The following COL5A1 variants were observed in gnomAD, a reference collection of about 807,000 sequenced individuals.
The protein encoded by COL5A1 is collagen alpha-1(V) chain.
A neutral mutation model predicts 263.7 loss-of-function variants in COL5A1; 16 were observed. The observed-to-expected ratio is 0.06, with a 90% CI of 0.04 to 0.09. The LOEUF is 0.09. COL5A1 is among the 10% of genes least tolerant of loss of function. The pLI is 1.00. For missense variants in COL5A1, 2,036 were observed against 2,540.5 expected (o/e 0.80, Z 4.27); for synonymous variants, 1,012 against 1,004.5 (o/e 1.01, Z -0.14).
At chr9:134,816,020 G>A (rs771520586) in intron 52 of COL5A1, 32 bp downstream of exon 52, 1 of 1,610,436 alleles carries the variant, frequency 6.2e-7, no homozygotes, top group Non-Finnish European at 8.5e-7. Flanking sequence ...GCTTCCTGGT[G>A]GAGGTGTCAG....
chr9:134,689,532 C>A (rs369246716), intron 1 of COL5A1, among the ~76,000 whole-genome samples: 1 of 152,222 alleles, frequency 6.6e-6, no homozygotes, highest in African/African-American at 2.4e-5. Flanking sequence ...GCCAGTCTGT[C>A]TCTCTGCATC....
rs1346485331 is a variant in COL5A1 at position 134,786,102 on chromosome 9, G to A, written c.2646+54G>A. 1.9e-5 allele frequency: 28 copies of A among 1,489,978 alleles called. 1 individual carries two copies. Among genetic ancestry groups the A allele is most frequent in the South Asian group, 1.2e-4 (10 of 84,792 alleles). The allele number at this position is 1,489,978 out of a possible 1,614,324, so 92.3% of individuals were successfully genotyped here. A position where few individuals can be genotyped will look rare whatever the true frequency, so the allele number is the denominator to read the frequency against. ...GGACAGGCGGAGGGATGTTCTGCCC[G>A]GTCTCCCCACCCTGCATCCGGCCGT... On this transcript the variant is annotated intron_variant, in intron 31 of 65. Coordinates refer to ENST00000371817, the MANE Select transcript of COL5A1 (RefSeq NM_000093.5).
chr9:134,732,479 G>A (rs991382102), intron 9 of COL5A1: 1 of 461,324 alleles, frequency 2.2e-6, no homozygotes, highest in African/African-American at 2.0e-5. Context: ...AGGGGTGGAG[G>A]AGAGGATGTA....
intron 1 of COL5A1, chr9:134,649,523 T>C: frequency 2.1e-6 from 1 of 471,058 alleles, no homozygotes; most frequent in South Asian, 1.6e-5. Flanking sequence ...AAATTAGCTC[T>C]TCTGTCCTTT....
intron 19 of COL5A1, among the ~76,000 whole-genome samples, chr9:134,763,023 C>T (rs575652541): frequency 3.3e-5 from 5 of 152,142 alleles, no homozygotes; most frequent in African/African-American, 9.6e-5. Context: ...CATGTGCATG[C>T]ACAGGGTGTA....
chr9:134,748,877 C>T (rs1229863203), intron 11 of COL5A1, among the ~76,000 whole-genome samples: 2 of 152,034 alleles, frequency 1.3e-5, no homozygotes, highest in Admixed American at 1.3e-4. Context: ...CAGATGTTGC[C>T]AAGGATATCT....
rs140045613 is a variant in COL5A1 at position 134,798,518 on chromosome 9, G to A, written c.2952+57G>A. ...GGCTGGCTCTCTGACCACCCTGCAC[G>A]TGGGCACAGCCCTCGCTGCCCAGCG... On this transcript the variant is annotated intron_variant, in intron 37 of 65. Coordinates refer to ENST00000371817, the MANE Select transcript of COL5A1 (RefSeq NM_000093.5). The A allele has an allele frequency of 1.4e-3, 2,105 of 1,544,588 alleles. 31 individuals carry two copies. The African/African-American group carries it at 0.024, about 18-fold the overall frequency.
At position 134,681,277 on chromosome 9, in the gene COL5A1, G is replaced by A. The variant is rs1237624073; in HGVS notation, c.110-9635G>A. Among the ~76,000 whole-genome samples the A allele has an allele frequency of 6.6e-6, 1 of 152,210 alleles. No homozygotes were observed. The highest frequency in any genetic ancestry group is 2.4e-5 in the African/African-American group (1 of 41,460). On this transcript the variant is annotated intron_variant, in intron 1 of 65. Transcript: ENST00000371817. This position sits in a 1 kb window ranked among gnomAD's most constrained non-coding sequence, Gnocchi z 4.3. ...GGCTCTCTGGCTTCCAGGAAATACA[G>A]GAAGGGAACTAGGAGGGACAGCCGC...
Position 134,727,303 on chromosome 9 carries a change from G to C in COL5A1, c.692G>C (p.Arg231Pro). Reference protein sequence around the residue: ...IQQLLFVSDHRAAYDYCEHYS... With the variant: ...IQQLLFVSDHPAAYDYCEHYS... ...CAGCTGCTCTTTGTCTCGGACCACC[G>C]GGCAGCTTATGATTACTGTGAGCAC... is the stretch of plus-strand genomic sequence containing the variant. Residue 231 changes from arginine to proline, a missense_variant, in exon 5 of 66, where the codon CGG becomes CCG. Physicochemically the swap from Arg to Pro is moderately radical, Grantham distance 103 (BLOSUM62 -2). Around this residue, in one of 3 missense-constraint regions of COL5A1, gnomAD observed 600 missense variants for 634.5 expected, o/e 0.95. Coordinates refer to ENST00000371817, the MANE Select transcript of COL5A1 (RefSeq NM_000093.5). 1 of 1,613,994 alleles carries C rather than the reference G, an allele frequency of 6.2e-7. No homozygotes were observed. The highest frequency in any genetic ancestry group is 8.5e-7 in the Non-Finnish European group (1 of 1,179,992).
chr9:134,648,712 G>A (rs1219156959), intron 1 of COL5A1, among the ~76,000 whole-genome samples: 3 of 152,200 alleles, frequency 2.0e-5, no homozygotes, highest in African/African-American at 7.2e-5. Context: ...GCTGGCCTGT[G>A]CGTGCTCCCT....
chr9:134,822,741 G>C (rs1365948149), intron 59 of COL5A1, among the ~76,000 whole-genome samples: 1 of 150,806 alleles, frequency 6.6e-6, no homozygotes, highest in Non-Finnish European at 1.5e-5. Flanking sequence ...GGCTGTCTGA[G>C]CTGGGGTTTC....
intron 11 of COL5A1, among the ~76,000 whole-genome samples, chr9:134,748,320 T>C (rs1835645752): frequency 6.7e-6 from 1 of 149,998 alleles, no homozygotes; most frequent in African/African-American, 2.5e-5. Context: ...GATAGTCACA[T>C]ACATGCACAC....
intron 32 of COL5A1, among the ~76,000 whole-genome samples, chr9:134,790,304 A>T: frequency 6.6e-6 from 1 of 151,916 alleles, no homozygotes; most frequent in East Asian, 1.9e-4. Flanking sequence ...CCTTTTACCC[A>T]TCCATCCATC....
At chr9:134,683,248 C>T (rs7849399) in intron 1 of COL5A1, among the ~76,000 whole-genome samples, 9 of 152,328 alleles carry the variant, frequency 5.9e-5, no homozygotes, top group South Asian at 4.1e-4. Flanking sequence ...CCTCGAACAC[C>T]GGCAGAGAGG....
chr9:134,666,864 T>C (rs905098027), intron 1 of COL5A1, among the ~76,000 whole-genome samples: 1 of 152,214 alleles, frequency 6.6e-6, no homozygotes, highest in Admixed American at 6.5e-5. Flanking sequence ...TTTTGGTCCT[T>C]CATTAAATTC....
Position 134,753,875 on chromosome 9 carries a change from A to T in COL5A1, c.1745A>T (p.Lys582Met). 6.2e-7 allele frequency: 1 copy of T among 1,613,386 alleles called. No individual in the cohort carries two copies. The highest frequency in any genetic ancestry group is 8.5e-7 in the Non-Finnish European group (1 of 1,179,820). ...PVGPPGSGGLKGEPGDVGPQG... is the reference protein window; with the variant it reads ...PVGPPGSGGLMGEPGDVGPQG... ...GGTCCCCCTGGGAGCGGAGGTTTGA[A>T]GGGCGAGCCGGGAGACGTGGGGCCT... is the stretch of plus-strand genomic sequence containing the variant. Residue 582 changes from lysine (K) to methionine (M), a missense_variant, in exon 15 of 66, where the codon AAG (lysine) becomes ATG (methionine). Lys to Met is a moderately conservative substitution (Grantham distance 95, BLOSUM62 -1). This residue lies in a region of COL5A1 where 1,078 missense variants were observed against 1,521.4 expected (regional missense o/e 0.71). Transcript: ENST00000371817.
In COL5A1 at chr9:134,686,676, G is replaced by A. The variant is rs1022586147; in HGVS notation, c.110-4236G>A. Among the ~76,000 whole-genome samples, 7 of 152,198 alleles carry A rather than the reference G, an allele frequency of 4.6e-5. No individual in the cohort carries two copies. The highest frequency in any genetic ancestry group is 1.0e-4 in the Non-Finnish European group (7 of 68,046). ...ATGAAAATGGGCCTCTGGGATGCCA[G>A]TGACAAATACTTCTACTTGTAACAG... On this transcript the variant is annotated intron_variant, in intron 1 of 65. Coordinates refer to ENST00000371817, the MANE Select transcript of COL5A1 (RefSeq NM_000093.5). The surrounding 1 kb of genome is among the most constrained non-coding windows in gnomAD (Gnocchi z 4.6).
At chr9:134,780,890 G>A (rs1430443026) in intron 28 of COL5A1, among the ~76,000 whole-genome samples, 3 of 152,234 alleles carry the variant, frequency 2.0e-5, no homozygotes, top group African/African-American at 4.8e-5. Flanking sequence ...CCTCCCCACC[G>A]TGGCCTCACG....
intron 2 of COL5A1, 40 bp from the exon 3 acceptor site, chr9:134,699,869 G>C (rs779488017): frequency 6.3e-7 from 1 of 1,598,048 alleles, no homozygotes; most frequent in Non-Finnish European, 8.6e-7. Flanking sequence ...TGGTTGCAGG[G>C]GCTCCCCGAC....
Sources: gnomAD v4.1 joint callset for allele counts (sites outside exome capture counted in the v4.1 genomes callset) on GRCh38, gnomAD v4.1.1 for gene constraint, gnomAD v4.1.1 regional missense constraint, Gnocchi (gnomAD v3.1) non-coding constraint, MANE v1.5 for transcripts, NCBI Gene and HGNC (gene_info 2026-07-23, HGNC 2026-07-21) for gene names.